CFAP299: variants seen among roughly 807,000 people sequenced by gnomAD.
CFAP299 encodes the protein cilia and flagella associated protein 299, also known as cilia- and flagella-associated protein 299.
CFAP299 carries 21 observed loss-of-function variants against 27.0 expected under a neutral mutation model. That is an observed-to-expected ratio of 0.78 (90% confidence interval 0.55 to 1.12). CFAP299 has a LOEUF of 1.12. Ranked by LOEUF, CFAP299 falls within the 50% of genes most tolerant of loss-of-function variation. The pLI is 0.00. For missense variants in CFAP299, 310 were observed against 276.6 expected (o/e 1.12, Z -0.86); for synonymous variants, 104 against 98.1 (o/e 1.06, Z -0.36).
intron 4 of CFAP299, among the ~76,000 whole-genome samples, chr4:80,934,338 C>A (rs1332194828): frequency 6.6e-6 from 1 of 151,948 alleles, no homozygotes; most frequent in East Asian, 1.9e-4. Context: ...GAAGAATTTT[C>A]ATCTATGTTT....
chr4:80,837,803 G>T (rs1730648584), intron 3 of CFAP299, among the ~76,000 whole-genome samples: 1 of 152,094 alleles, frequency 6.6e-6, no homozygotes, highest in Non-Finnish European at 1.5e-5. Context: ...GGATTGCTGG[G>T]TCAAATGGTA....
chr4:80,869,901 A>C, intron 3 of CFAP299, 92 bp from the exon 4 acceptor site: 2 of 1,201,678 alleles, frequency 1.7e-6, no homozygotes, highest in South Asian at 1.7e-5. Flanking sequence ...ATGGTCACTC[A>C]TATTAGTGTT....
At chr4:80,629,707 T>G (rs943855376) in intron 3 of CFAP299, among the ~76,000 whole-genome samples, 1 of 151,620 alleles carries the variant, frequency 6.6e-6, no homozygotes, top group Non-Finnish European at 1.5e-5. Context: ...TAGTGAAACC[T>G]GGTGTCTACT....
intron 3 of CFAP299, among the ~76,000 whole-genome samples, chr4:80,707,568 C>T (rs1419359590): frequency 1.3e-5 from 2 of 152,008 alleles, no homozygotes; most frequent in South Asian, 2.1e-4. Context: ...ATAGTCATAA[C>T]ACACCATAAG....
intron 5 of CFAP299, among the ~76,000 whole-genome samples, chr4:80,953,275 C>G (rs1294096208): frequency 6.6e-6 from 1 of 152,058 alleles, no homozygotes; most frequent in African/African-American, 2.4e-5. Flanking sequence ...ATAAATGTTG[C>G]TTTTTAACTG....
At chr4:80,679,911 C>T (rs1469734982) in intron 3 of CFAP299, among the ~76,000 whole-genome samples, 1 of 151,986 alleles carries the variant, frequency 6.6e-6, no homozygotes, top group Non-Finnish European at 1.5e-5. Context: ...ATTCTCTTAA[C>T]ATATGTTTCA....
At chr4:80,688,100 G>A (rs934133564) in intron 3 of CFAP299, among the ~76,000 whole-genome samples, 9 of 152,236 alleles carry the variant, frequency 5.9e-5, no homozygotes, top group Non-Finnish European at 1.0e-4. Flanking sequence ...CAAGACGGCA[G>A]CGAGGCTGGG....
chr4:80,780,843 A>C (rs1726832829), intron 3 of CFAP299, among the ~76,000 whole-genome samples: 1 of 151,976 alleles, frequency 6.6e-6, no homozygotes, highest in African/African-American at 2.4e-5. Flanking sequence ...GTGGTAAACA[A>C]AAATCCATAG....
intron 2 of CFAP299, among the ~76,000 whole-genome samples, chr4:80,542,162 C>G (rs1734026218): frequency 6.6e-6 from 1 of 152,246 alleles, no homozygotes; most frequent in Non-Finnish European, 1.5e-5. Flanking sequence ...CAGCAGCCTC[C>G]CAGCGGCTCT....
At chr4:80,828,452 C>T (rs888258427) in intron 3 of CFAP299, among the ~76,000 whole-genome samples, 1 of 152,064 alleles carries the variant, frequency 6.6e-6, no homozygotes, top group Non-Finnish European at 1.5e-5. Context: ...TATTCCTCCC[C>T]ACCTAAATCT....
intron 2 of CFAP299, among the ~76,000 whole-genome samples, chr4:80,450,910 T>TGTGAGA (rs1553924204): frequency 3.4e-5 from 5 of 147,558 alleles, no homozygotes; most frequent in Non-Finnish European, 1.5e-5. Flanking sequence ...TGTGTGTGTG[T>TGTGAGA]GAGAGAGAGA....
intron 2 of CFAP299, among the ~76,000 whole-genome samples, chr4:80,494,633 A>C (rs12641282): frequency 0.11 from 16,405 of 152,036 alleles, 1,032 homozygotes; most frequent in Middle Eastern, 0.22. Flanking sequence ...TTTAACTATG[A>C]TTTCTTTTCC....
chr4:80,491,812 A>G (rs892019998), intron 2 of CFAP299, among the ~76,000 whole-genome samples: 3 of 152,302 alleles, frequency 2.0e-5, no homozygotes, highest in Admixed American at 6.5e-5. Context: ...TTTCTTTGCC[A>G]TATTTTGAAA....
intron 2 of CFAP299, among the ~76,000 whole-genome samples, chr4:80,520,940 C>T (rs1305699629): frequency 6.6e-6 from 1 of 152,054 alleles, no homozygotes; most frequent in Non-Finnish European, 1.5e-5. Flanking sequence ...AACATGACTC[C>T]TATGAAATGC....
At chr4:80,375,466 A>G (rs1724359252) in intron 2 of CFAP299, among the ~76,000 whole-genome samples, 1 of 152,092 alleles carries the variant, frequency 6.6e-6, no homozygotes, top group Non-Finnish European at 1.5e-5. Context: ...ACTTCATTCC[A>G]GGGATGTGTC....
chr4:80,510,695 T>G (rs899916310), intron 2 of CFAP299, among the ~76,000 whole-genome samples: 11 of 152,130 alleles, frequency 7.2e-5, no homozygotes, highest in African/African-American at 2.7e-4. Flanking sequence ...CACCAATATA[T>G]GCCCTTTCCA....
At chr4:80,958,062 C>A (rs1176557311) in intron 5 of CFAP299, among the ~76,000 whole-genome samples, 1 of 152,086 alleles carries the variant, frequency 6.6e-6, no homozygotes, top group Non-Finnish European at 1.5e-5. Flanking sequence ...TATTTGTCGT[C>A]CTGCTGCTAG....
chr4:80,404,139 C>T (rs183196439), intron 2 of CFAP299, among the ~76,000 whole-genome samples: 8 of 152,126 alleles, frequency 5.3e-5, no homozygotes, highest in East Asian at 1.9e-4. Flanking sequence ...TGTATAATTA[C>T]GTGCTTAGGA....
rs138585390 is a variant in CFAP299, at chr4:80,840,393, G to C, written c.334-29600G>C. Among the ~76,000 whole-genome samples the C allele has an allele frequency of 9.2e-3, 1,407 of 152,252 alleles. 19 individuals carry two copies. Among genetic ancestry groups the C allele is most frequent in the South Asian group, 0.059 (287 of 4,828 alleles). ...AACTGACATCAGTGAAAGTAGACAA[G>C]TTGGAGTTTTGTCTTAAAGGTAAAT... On this transcript the variant is annotated intron_variant, in intron 3 of 5. Coordinates refer to ENST00000358105, the MANE Select transcript of CFAP299 (RefSeq NM_152770.3).
Sources: gnomAD v4.1 joint callset for allele counts (sites outside exome capture counted in the v4.1 genomes callset) on GRCh38, gnomAD v4.1.1 for gene constraint, MANE v1.5 for transcripts, NCBI Gene and HGNC (gene_info 2026-07-23, HGNC 2026-07-21) for gene names.